KDM4B: variants seen among roughly 807,000 people sequenced by gnomAD.
KDM4B encodes the protein lysine-specific demethylase 4B.
A neutral mutation model predicts 125.2 loss-of-function variants in KDM4B; 32 were observed. That is an observed-to-expected ratio of 0.26 (90% CI 0.19 to 0.34). KDM4B has a LOEUF of 0.34. Ranked by LOEUF, KDM4B falls within the 10% of genes least tolerant of loss-of-function variation. The pLI is 1.00. For synonymous variants in KDM4B, 721 were observed against 677.9 expected (o/e 1.06, Z -0.99); for missense variants, 1,190 against 1,577.7 (o/e 0.75, Z 4.16).
chr19:5,116,086 C>T (rs900728651), intron 10 of KDM4B, among the ~76,000 whole-genome samples: 9 of 151,886 alleles, frequency 5.9e-5, no homozygotes, highest in African/African-American at 2.2e-4. Context: ...GCTTCCAGAG[C>T]AAACAGATCA....
intron 1 of KDM4B, among the ~76,000 whole-genome samples, chr19:4,970,432 C>G (rs1026283168): frequency 3.3e-5 from 5 of 152,114 alleles, no homozygotes; most frequent in Middle Eastern, 6.8e-3. Flanking sequence ...GTGTATTCAG[C>G]AAGTTCCTTT....
chr19:5,046,001 A>G (rs774365571), intron 5 of KDM4B, among the ~76,000 whole-genome samples: 25 of 152,192 alleles, frequency 1.6e-4, no homozygotes, highest in Non-Finnish European at 2.9e-4. Flanking sequence ...GTGACTTGCA[A>G]GTATTTTCTT....
At chr19:5,137,194 T>G in intron 15 of KDM4B, 68 bp from the exon 16 acceptor site, 14 of 1,134,304 alleles carry the variant, frequency 1.2e-5, no homozygotes, top group Non-Finnish European at 1.5e-5. Context: ...CCCCTCCCCC[T>G]GAGTTTCACT....
Position 5,146,574 on chromosome 19 carries a change from C to T in KDM4B, c.3021+1672C>T, listed in dbSNP as rs374121836. Among the ~76,000 whole-genome samples the T allele has an allele frequency of 5.3e-5, 8 of 152,302 alleles. No individual in the cohort carries two copies. In the East Asian group the frequency reaches 9.7e-4, roughly 18 times the overall value. The stretch of plus-strand genomic sequence containing the variant: ...TTTGCACCCCTTAGCCCATCCCAGG[C>T]AGCAGCAAAAGAGAATAATCCCTGC... On this transcript the variant is annotated intron_variant, in intron 21 of 22. Coordinates refer to ENST00000159111, the MANE Select transcript of KDM4B (RefSeq NM_015015.3).
intron 18 of KDM4B, among the ~76,000 whole-genome samples, chr19:5,143,600 G>A (rs1046866769): frequency 2.0e-5 from 3 of 152,144 alleles, no homozygotes; most frequent in Admixed American, 6.5e-5. Context: ...CTGTCGCCAC[G>A]TGGTTCCTCT....
intron 2 of KDM4B, among the ~76,000 whole-genome samples, chr19:5,031,898 A>G (rs2036472032): frequency 6.6e-6 from 1 of 152,240 alleles, no homozygotes; most frequent in South Asian, 2.1e-4. Flanking sequence ...CACACTCTAG[A>G]TCACTTTGGG....
chr19:5,039,729 G>A, intron 3 of KDM4B, 107 bp from the exon 4 acceptor site: 1 of 1,289,796 alleles, frequency 7.8e-7, no homozygotes, highest in Non-Finnish European at 1.1e-6. Flanking sequence ...GTCCCGAGGT[G>A]CAGATCTTGG....
chr19:4,990,339 C>T (rs1463364676), intron 1 of KDM4B, among the ~76,000 whole-genome samples: 1 of 152,146 alleles, frequency 6.6e-6, no homozygotes, highest in African/African-American at 2.4e-5. Context: ...AGTTCACTTC[C>T]ACCCAAAAAC....
intron 6 of KDM4B, among the ~76,000 whole-genome samples, chr19:5,064,354 C>A (rs1452718166): frequency 6.6e-6 from 1 of 151,916 alleles, no homozygotes; most frequent in Non-Finnish European, 1.5e-5. Context: ...CAGGCCTGTG[C>A]AGACACTGTG....
chr19:5,042,389 A>G (rs974360792), intron 5 of KDM4B, among the ~76,000 whole-genome samples: 12 of 151,942 alleles, frequency 7.9e-5, no homozygotes, highest in Non-Finnish European at 1.6e-4. Context: ...AATCCCGGCT[A>G]CTCGGGAGGC....
At chr19:4,969,796 C>G (rs543450288) in intron 1 of KDM4B, among the ~76,000 whole-genome samples, 4 of 151,606 alleles carry the variant, frequency 2.6e-5, no homozygotes, top group African/African-American at 9.7e-5. Flanking sequence ...ACTGCCCCCA[C>G]CTCCGGTCAA....
chr19:4,988,489 A>T (rs999022278), intron 1 of KDM4B, among the ~76,000 whole-genome samples: 17 of 151,984 alleles, frequency 1.1e-4, no homozygotes, highest in African/African-American at 3.6e-4. Context: ...GTTAGCCAGG[A>T]TGGTCTCAAT....
intron 9 of KDM4B, among the ~76,000 whole-genome samples, chr19:5,086,726 C>T (rs1028004993): frequency 3.9e-5 from 6 of 152,228 alleles, no homozygotes; most frequent in Admixed American, 6.5e-5. Flanking sequence ...CACCACACCT[C>T]GAGCCAGTGC....
chr19:5,098,175 C>T (rs1416875155), intron 9 of KDM4B, among the ~76,000 whole-genome samples: 1 of 152,188 alleles, frequency 6.6e-6, no homozygotes, highest in Non-Finnish European at 1.5e-5. Flanking sequence ...AGTACATGGT[C>T]AGTAGAAGCC....
intron 21 of KDM4B, among the ~76,000 whole-genome samples, chr19:5,149,188 C>T (rs141288805): frequency 1.4e-3 from 207 of 152,370 alleles, no homozygotes; most frequent in African/African-American, 4.7e-3. Flanking sequence ...GGAGGTGCTG[C>T]GATCCCGGGC....
intron 9 of KDM4B, among the ~76,000 whole-genome samples, chr19:5,101,649 T>C (rs1344171673): frequency 7.5e-6 from 1 of 132,662 alleles, no homozygotes; most frequent in Admixed American, 7.6e-5. Context: ...CCCGGGGAGG[T>C]CTGGGTGGGC....
intron 2 of KDM4B, 32 bp from the exon 3 acceptor site, chr19:5,032,834 G>T: frequency 1.9e-6 from 3 of 1,592,076 alleles, no homozygotes; most frequent in South Asian, 1.1e-5. Flanking sequence ...TGGCGGCACC[G>T]CTGGTTCACC....
chr19:5,013,090 C>T (rs1006648650), intron 1 of KDM4B, among the ~76,000 whole-genome samples: 12 of 152,136 alleles, frequency 7.9e-5, no homozygotes, highest in African/African-American at 1.7e-4. Context: ...TTGGAGTGGG[C>T]GCTTTTGGGG....
chr19:5,101,973 A>AGGGAGTCCAGCGAGGAGGGGC (rs1407346755), intron 9 of KDM4B, among the ~76,000 whole-genome samples: 3 of 152,030 alleles, frequency 2.0e-5, no homozygotes, highest in Non-Finnish European at 4.4e-5. Flanking sequence ...AAATGATCCT[A>AGGGAGTCCAGCGAGGAGGGGC]GGGAGTCCAG....
Sources: allele counts gnomAD v4.1 joint callset (sites outside exome capture counted in the v4.1 genomes callset), GRCh38; gene constraint gnomAD v4.1.1; transcripts MANE v1.5; gene names NCBI Gene and HGNC (gene_info 2026-07-23, HGNC 2026-07-21).